Variants in GPR158 observed in about 807,000 individuals in gnomAD.
The protein encoded by GPR158 is G protein-coupled receptor 158, also known as metabotropic glycine receptor.
Under a neutral mutation model 78.2 loss-of-function variants are expected in GPR158, and 30 were observed. The observed-to-expected ratio is 0.38, with a 90% confidence interval of 0.29 to 0.52. The LOEUF is 0.52. Among genes scored for constraint, GPR158 ranks in the 20% least tolerant of loss-of-function variants. The pLI is 0.83. For synonymous variants in GPR158, 581 were observed against 591.1 expected (o/e 0.98, Z 0.25); for missense variants, 1,463 against 1,523.5 (o/e 0.96, Z 0.66).
intron 2 of GPR158, among the ~76,000 whole-genome samples, chr10:25,322,892 G>T (rs927844282): frequency 1.3e-5 from 2 of 152,104 alleles, no homozygotes; most frequent in African/African-American, 4.8e-5. Context: ...TGTCACCCAG[G>T]CTAGAGTGCA....
intron 6 of GPR158, among the ~76,000 whole-genome samples, chr10:25,565,954 G>T (rs1836923784): frequency 6.6e-6 from 1 of 152,252 alleles, no homozygotes; most frequent in South Asian, 2.1e-4. Flanking sequence ...AACTCCTTAA[G>T]GCCAGAAATA....
At chr10:25,509,238 T>C (rs28619981) in intron 5 of GPR158, among the ~76,000 whole-genome samples, 2,609 of 152,256 alleles carry the variant, frequency 0.017, 66 homozygotes, top group African/African-American at 0.06. Flanking sequence ...GATTGAGAAC[T>C]ACATGCTTAA....
intron 5 of GPR158, among the ~76,000 whole-genome samples, chr10:25,546,111 C>T (rs1836658829): frequency 6.6e-6 from 1 of 152,102 alleles, no homozygotes; most frequent in Non-Finnish European, 1.5e-5. Flanking sequence ...CAGGGAATGA[C>T]CACTGTGTCT....
rs1355262055 is a variant in GPR158 at position 25,176,009 on chromosome 10, G to T, written c.589G>T (p.Glu197Ter). 6.2e-7 allele frequency: 1 copy of T among 1,612,578 alleles called. No homozygotes were observed. The change falls in exon 1 of 11, where the codon GAG becomes TAG. Residue 197 changes from glutamate to a stop codon, truncating the protein, a stop_gained. Transcript: ENST00000376351. LOFTEE classifies it high-confidence loss of function. The surrounding 1 kb of genome is among the most constrained non-coding windows in gnomAD (Gnocchi z 6.3). Reference protein sequence around the residue: ...APQVFLQATREESRILLQDLS... With the variant: ...APQVFLQATR ...ACAGGTCTTCCTCCAGGCCACGCGCGAGGAGAGCCGCATCCTGCTCCAAGA... is the reference window on the plus strand; with the variant it reads ...ACAGGTCTTCCTCCAGGCCACGCGCTAGGAGAGCCGCATCCTGCTCCAAGA...
chr10:25,351,713 T>C (rs919470518), intron 2 of GPR158, among the ~76,000 whole-genome samples: 1 of 130,700 alleles, frequency 7.7e-6, no homozygotes, highest in Non-Finnish European at 1.5e-5. Flanking sequence ...TTTCTTTCTT[T>C]TTTTTTTTTT....
chr10:25,598,005 A>C lies in GPR158; in HGVS notation c.2379A>C (p.Pro793=). The part of the protein sequence containing the change: ...KGTALIRKNP[P]ESSGNTGKSK... ...CTGCCCTCATCAGGAAGAACCCCCCAGAGTCTTCAGGGAACACAGGGAAAT... is the reference window on the plus strand; with the variant it reads ...CTGCCCTCATCAGGAAGAACCCCCCCGAGTCTTCAGGGAACACAGGGAAAT... Residue 793 remains proline (P), a synonymous_variant, in exon 11 of 11, where the codon CCA becomes CCC. Coordinates refer to ENST00000376351, the MANE Select transcript of GPR158 (RefSeq NM_020752.3). 1 of 1,614,100 alleles carries C rather than the reference A, an allele frequency of 6.2e-7. No individual in the cohort carries two copies. Among genetic ancestry groups the C allele is most frequent in the Non-Finnish European group, 8.5e-7 (1 of 1,179,994 alleles).
Position 25,210,461 on chromosome 10 carries a change from G to A in GPR158, c.903-10591G>A, listed in dbSNP as rs1057092622. Reference sequence around the variant, plus strand: ...ATTGTAAGATTACTTTCTAGACAGCGTGCATCAGTTTCCAGACCCACCAGC... The same window carrying A: ...ATTGTAAGATTACTTTCTAGACAGCATGCATCAGTTTCCAGACCCACCAGC... On this transcript the variant is annotated intron_variant, in intron 1 of 10. Coordinates refer to ENST00000376351, the MANE Select transcript of GPR158 (RefSeq NM_020752.3). Among the ~76,000 whole-genome samples, 37 of 152,136 alleles carry A rather than the reference G, an allele frequency of 2.4e-4. 1 individual carries two copies. Among genetic ancestry groups the A allele is most frequent in the African/African-American group, 8.2e-4 (34 of 41,448 alleles).
chr10:25,433,418 A>G (rs990508898), intron 4 of GPR158, among the ~76,000 whole-genome samples: 2 of 152,074 alleles, frequency 1.3e-5, no homozygotes, highest in South Asian at 4.1e-4. Context: ...CACCAGTTTA[A>G]TGGTTTTATA....
chr10:25,595,422 G>A (rs1001661482), intron 9 of GPR158, among the ~76,000 whole-genome samples: 2 of 152,308 alleles, frequency 1.3e-5, no homozygotes, highest in African/African-American at 4.8e-5. Context: ...TTTTTACTGA[G>A]TTCCAAAGAG....
At chr10:25,309,963 G>A (rs1854740055) in intron 2 of GPR158, among the ~76,000 whole-genome samples, 1 of 152,062 alleles carries the variant, frequency 6.6e-6, no homozygotes, top group Non-Finnish European at 1.5e-5. Context: ...TAATACCTTT[G>A]ATGTCATATT....
Position 25,185,484 on chromosome 10 carries a change from T to G in GPR158, c.902+9162T>G, listed in dbSNP as rs138915669. On this transcript the variant is annotated intron_variant, in intron 1 of 10. Transcript: ENST00000376351. The stretch of plus-strand genomic sequence containing the variant: ...AGCATGGTTTTACTACCTACATGGT[T>G]AAATGTTTAATATTTAAGGTTTCCC... Among the ~76,000 whole-genome samples, 1,188 of 152,302 alleles carry G rather than the reference T, an allele frequency of 7.8e-3. 11 individuals are homozygous for G. Among genetic ancestry groups the G allele is most frequent in the Middle Eastern group, 0.034 (10 of 294 alleles).
intron 7 of GPR158, among the ~76,000 whole-genome samples, chr10:25,574,333 T>C (rs1837058651): frequency 6.6e-6 from 1 of 152,062 alleles, no homozygotes; most frequent in Non-Finnish European, 1.5e-5. Context: ...TATATAGAAT[T>C]ATATAATCGA....
At chr10:25,221,016 G>T (rs2130682701) in intron 1 of GPR158, 36 bp from the exon 2 acceptor site, 1 of 1,088,866 alleles carries the variant, frequency 9.2e-7, no homozygotes, top group Non-Finnish European at 1.4e-6. Flanking sequence ...TAAATGTCCA[G>T]ATTAATTTGT....
chr10:25,309,866 G>T (rs1198261734), intron 2 of GPR158, among the ~76,000 whole-genome samples: 2 of 152,178 alleles, frequency 1.3e-5, no homozygotes, highest in Non-Finnish European at 2.9e-5. Flanking sequence ...CCTCAGCCAT[G>T]TGGAACTGTG....
intron 1 of GPR158, among the ~76,000 whole-genome samples, chr10:25,201,399 CA>C (rs760332616): frequency 7.2e-5 from 11 of 152,080 alleles, no homozygotes; most frequent in Non-Finnish European, 1.5e-4. Flanking sequence ...AGCTTTTGGG[CA>C]GAGATTACAG....
At chr10:25,534,586 CAAA>C (rs57381468) in intron 5 of GPR158, among the ~76,000 whole-genome samples, 29 of 110,154 alleles carry the variant, frequency 2.6e-4, no homozygotes, top group East Asian at 1.1e-3. Flanking sequence ...ACTAAAAATG[CAAA>C]AAAAAAAAAA....
intron 4 of GPR158, among the ~76,000 whole-genome samples, chr10:25,439,533 T>C (rs2130586933): frequency 6.6e-6 from 1 of 152,288 alleles, no homozygotes; most frequent in South Asian, 2.1e-4. Flanking sequence ...CCCCCATCTC[T>C]CACTACCTTA....
intron 2 of GPR158, among the ~76,000 whole-genome samples, chr10:25,273,960 G>A (rs1020680729): frequency 6.8e-4 from 103 of 152,268 alleles, no homozygotes; most frequent in African/African-American, 2.4e-3. Context: ...TTACAGGCAT[G>A]AGCCACCGTG....
chr10:25,590,128 T>C (rs1015095415), intron 8 of GPR158, among the ~76,000 whole-genome samples: 1 of 152,088 alleles, frequency 6.6e-6, no homozygotes, highest in Non-Finnish European at 1.5e-5. Context: ...AGGATGCCTA[T>C]CCTCTCTGAC....
Sources: allele counts gnomAD v4.1 joint callset (sites outside exome capture counted in the v4.1 genomes callset), GRCh38; gene constraint gnomAD v4.1.1; non-coding constraint Gnocchi (gnomAD v3.1); transcripts MANE v1.5; gene names NCBI Gene and HGNC (gene_info 2026-07-23, HGNC 2026-07-21).